The following ARB2A variants were observed in gnomAD, a reference collection of about 807,000 sequenced individuals.
ARB2A encodes cotranscriptional regulator ARB2A.
the ARB2A span, chr5:93,737,642 A>T: frequency 9.6e-6 from 2 of 208,454 alleles, no homozygotes; most frequent in African/African-American, 4.7e-5. Context: ...AGACAGACAT[A>T]TAGACCAACA....
the ARB2A span, among the ~76,000 whole-genome samples, chr5:93,790,745 G>A: frequency 2.0e-5 from 3 of 152,102 alleles, no homozygotes; most frequent in Non-Finnish European, 4.4e-5. Flanking sequence ...TAGAGGTAGT[G>A]TAACTGACTG....
At chr5:94,070,320 G>T in the ARB2A span, among the ~76,000 whole-genome samples, 1 of 152,102 alleles carries the variant, frequency 6.6e-6, no homozygotes, top group African/African-American at 2.4e-5. Flanking sequence ...AGCTATCAGA[G>T]AAGTGTGTGG....
chr5:94,081,162 A>G, the ARB2A span, among the ~76,000 whole-genome samples: 5 of 152,366 alleles, frequency 3.3e-5, no homozygotes, highest in South Asian at 6.2e-4. Context: ...TAGCATGGCT[A>G]TAATCAAAAA....
chr5:93,621,157 A>G, the ARB2A span: 1 of 1,557,402 alleles, frequency 6.4e-7, no homozygotes, highest in Non-Finnish European at 8.7e-7. Context: ...TTCGGTTACC[A>G]GGTGGCCACG....
chr5:93,963,751 A>T, the ARB2A span, among the ~76,000 whole-genome samples: 1 of 151,994 alleles, frequency 6.6e-6, no homozygotes, highest in Non-Finnish European at 1.5e-5. Flanking sequence ...GTTGTCAGGG[A>T]CGGCAAAGAT....
chr5:93,877,181 T>C, the ARB2A span, among the ~76,000 whole-genome samples: 1 of 152,130 alleles, frequency 6.6e-6, no homozygotes, highest in Non-Finnish European at 1.5e-5. Context: ...CTCCTTTACT[T>C]CCCATCAGTA....
At chr5:94,052,093 T>C in the ARB2A span, among the ~76,000 whole-genome samples, 12 of 152,122 alleles carry the variant, frequency 7.9e-5, no homozygotes, top group African/African-American at 2.9e-4. Context: ...AGTGATGGGA[T>C]TGCAGACATG....
the ARB2A span, among the ~76,000 whole-genome samples, chr5:93,995,225 C>A: frequency 2.0e-5 from 3 of 152,156 alleles, no homozygotes; most frequent in African/African-American, 7.2e-5. Context: ...TGTGAGTACC[C>A]ACTTAAAATG....
the ARB2A span, among the ~76,000 whole-genome samples, chr5:93,699,932 C>A: frequency 6.6e-6 from 1 of 151,900 alleles, no homozygotes; most frequent in Non-Finnish European, 1.5e-5. Flanking sequence ...CTCTGTCCTG[C>A]TCCTTGACTA....
chr5:93,627,395 C>A, the ARB2A span, among the ~76,000 whole-genome samples: 1 of 151,502 alleles, frequency 6.6e-6, no homozygotes. Context: ...CCAGATCCAT[C>A]AGAGGAATCA....
chr5:93,898,672 T>C, the ARB2A span, among the ~76,000 whole-genome samples: 11 of 152,190 alleles, frequency 7.2e-5, no homozygotes, highest in Admixed American at 6.6e-4. Context: ...TGGGAACTAT[T>C]CTCAAGTAAT....
chr5:93,913,673 T>C, the ARB2A span, among the ~76,000 whole-genome samples: 26 of 152,138 alleles, frequency 1.7e-4, 1 homozygote, highest in South Asian at 5.4e-3. Flanking sequence ...CATAATAAAA[T>C]TCCCAGACAA....
the ARB2A span, among the ~76,000 whole-genome samples, chr5:94,104,567 C>T: frequency 1.3e-5 from 2 of 151,840 alleles, no homozygotes; most frequent in African/African-American, 4.8e-5. Context: ...AGCCAAATTC[C>T]ACCCAACATA....
At chr5:93,877,197 T>C in the ARB2A span, among the ~76,000 whole-genome samples, 1 of 152,186 alleles carries the variant, frequency 6.6e-6, no homozygotes, top group Non-Finnish European at 1.5e-5. Flanking sequence ...CAGTAGAGTC[T>C]ACAAATAAGT....
the ARB2A span, among the ~76,000 whole-genome samples, chr5:93,880,749 A>G: frequency 5.9e-5 from 9 of 151,720 alleles, no homozygotes; most frequent in African/African-American, 2.4e-5. Context: ...TGTGCCCCCT[A>G]CAGAATTAGA....
chr5:93,840,103 T>C, the ARB2A span, among the ~76,000 whole-genome samples: 1 of 152,178 alleles, frequency 6.6e-6, no homozygotes, highest in Non-Finnish European at 1.5e-5. Context: ...GTTAGGTTAA[T>C]TTGATATCTT....
At chr5:93,799,034 T>C in the ARB2A span, among the ~76,000 whole-genome samples, 1 of 152,134 alleles carries the variant, frequency 6.6e-6, no homozygotes, top group East Asian at 1.9e-4. Context: ...ACTGCCTTAC[T>C]ATGGAAATGA....
At chr5:94,054,018 C>T in the ARB2A span, among the ~76,000 whole-genome samples, 1 of 152,206 alleles carries the variant, frequency 6.6e-6, no homozygotes, top group African/African-American at 2.4e-5. Flanking sequence ...ATCTGCCCAC[C>T]TCAGCCTCCC....
chr5:93,928,866 C>T, the ARB2A span, among the ~76,000 whole-genome samples: 2 of 151,904 alleles, frequency 1.3e-5, no homozygotes, highest in Non-Finnish European at 1.5e-5. Context: ...AGTACCAGCA[C>T]GTGCACATAT....
Sources: allele counts gnomAD v4.1 joint callset (sites outside exome capture counted in the v4.1 genomes callset), GRCh38; gene constraint gnomAD v4.1.1; transcripts MANE v1.5; gene names NCBI Gene and HGNC (gene_info 2026-07-23, HGNC 2026-07-21).